The following CERS4 variants were observed in gnomAD, a reference collection of about 807,000 sequenced individuals.
CERS4 encodes LAG1 homolog, ceramide synthase 4.
In CERS4, 65 loss-of-function variants were observed where a neutral mutation model predicts 51.8. The ratio of observed to expected loss-of-function variants is 1.26; its 90% CI spans 1.03 to 1.54. CERS4 has a LOEUF of 1.54. Among genes scored for constraint, CERS4 ranks in the 40% most tolerant of loss-of-function variants. CERS4 has a pLI of 0.00. For synonymous variants in CERS4, 228 were observed against 208.4 expected, an observed-to-expected ratio of 1.09 and a Z score of -0.81; for missense variants, 563 against 500.4, an observed-to-expected ratio of 1.13 and a Z score of -1.19.
intron 2 of CERS4, among the ~76,000 whole-genome samples, chr19:8,232,463 T>C (rs1968054423): frequency 6.6e-6 from 1 of 151,952 alleles, no homozygotes; most frequent in Non-Finnish European, 1.5e-5. Flanking sequence ...GCAATTTTTT[T>C]GTATTTTTAG....
At chr19:8,238,021 A>G (rs1968349593) in intron 2 of CERS4, among the ~76,000 whole-genome samples, 2 of 152,118 alleles carry the variant, frequency 1.3e-5, no homozygotes, top group South Asian at 2.1e-4. Context: ...CTGTGCGAGT[A>G]ACAATCAGAT....
intron 2 of CERS4, among the ~76,000 whole-genome samples, chr19:8,249,231 G>T (rs148085961): frequency 6.6e-6 from 1 of 151,968 alleles, no homozygotes; most frequent in Non-Finnish European, 1.5e-5. Flanking sequence ...ATGGGTGGGT[G>T]GACAGATGTT....
intron 3 of CERS4, among the ~76,000 whole-genome samples, chr19:8,252,031 A>T (rs1450552181): frequency 2.6e-5 from 4 of 151,230 alleles, no homozygotes; most frequent in African/African-American, 9.7e-5. Flanking sequence ...GTTCGAGACC[A>T]GACTGCGCAA....
chr19:8,230,043 G>C (rs186954282), intron 2 of CERS4, among the ~76,000 whole-genome samples: 2 of 151,892 alleles, frequency 1.3e-5, no homozygotes, highest in African/African-American at 4.8e-5. Context: ...CTTCTTCTGT[G>C]TGTTTATGTG....
chr19:8,253,118 T>A (rs1969173463), intron 3 of CERS4, among the ~76,000 whole-genome samples: 1 of 152,188 alleles, frequency 6.6e-6, no homozygotes, highest in Non-Finnish European at 1.5e-5. Flanking sequence ...TGAGGCAGGA[T>A]GTTAGGAGGG....
intron 2 of CERS4, among the ~76,000 whole-genome samples, chr19:8,241,898 CAG>C (rs749414165): frequency 2.6e-4 from 40 of 152,120 alleles, no homozygotes; most frequent in Non-Finnish European, 5.1e-4. Flanking sequence ...CAGAGGATGA[CAG>C]GGAACAAACA....
In CERS4 at chr19:8,256,643, G is replaced by A. The variant is rs1232381494; in HGVS notation, c.545G>A (p.Trp182Ter). 1 of 1,613,750 alleles carries A rather than the reference G, an allele frequency of 6.2e-7. No homozygotes were observed. The change falls in exon 8 of 12, where the codon TGG (tryptophan) becomes TAG (stop). Residue 182 changes from tryptophan (W) to a stop codon, truncating the protein, a stop_gained. Coordinates refer to ENST00000251363, the MANE Select transcript of CERS4 (RefSeq NM_024552.3). LOFTEE classifies it high-confidence loss of function. ...ACTCTGAAGCCATCCCTGTACTGGT[G>A]GTACCTCTTGGAGCTGGGTTTCTAC... ...NQTLKPSLYWWYLLELGFYLS... is the reference protein window; with the variant it reads ...NQTLKPSLYW
intron 2 of CERS4, among the ~76,000 whole-genome samples, chr19:8,248,845 G>A (rs1002703624): frequency 3.6e-5 from 5 of 139,210 alleles, no homozygotes; most frequent in African/African-American, 1.6e-4. Flanking sequence ...TGGGTGGACA[G>A]ATCTTTGGAT....
chr19:8,257,001 TCTC>T lies in CERS4; in HGVS notation c.668_670del (p.Ser223del), dbSNP rs746171575. ...TTCGTGGCGGTCATCCTGATGACCT[TCTC>T]CTACAGTGCCAACCTGCTGCGCATT... On this transcript the variant is annotated inframe_deletion, in exon 9 of 12. Transcript: ENST00000251363. The T allele has an allele frequency of 1.9e-5, 31 of 1,613,932 alleles. No individual in the cohort carries two copies. The highest frequency in any genetic ancestry group is 2.5e-5 in the Non-Finnish European group (30 of 1,179,968).
chr19:8,231,619 G>A (rs1370231981), intron 2 of CERS4, among the ~76,000 whole-genome samples: 1 of 151,954 alleles, frequency 6.6e-6, no homozygotes, highest in Admixed American at 6.6e-5. Flanking sequence ...TGTGATCTCG[G>A]TTCACTGCAA....
At chr19:8,213,921 G>A (rs899169804) in intron 2 of CERS4, among the ~76,000 whole-genome samples, 2 of 151,564 alleles carry the variant, frequency 1.3e-5, no homozygotes, top group African/African-American at 4.9e-5. Flanking sequence ...AGCCAAGATC[G>A]CACTACTGCA....
intron 2 of CERS4, among the ~76,000 whole-genome samples, chr19:8,222,994 G>C (rs1967627364): frequency 6.6e-6 from 1 of 152,128 alleles, no homozygotes; most frequent in South Asian, 2.1e-4. Flanking sequence ...TGTGTGTCAG[G>C]TGCTGGGAAA....
chr19:8,232,218 T>G (rs1968042662), intron 2 of CERS4, among the ~76,000 whole-genome samples: 1 of 152,076 alleles, frequency 6.6e-6, no homozygotes, highest in African/African-American at 2.4e-5. Context: ...TTTCTTCCAT[T>G]TATAGATTCC....
chr19:8,221,870 A>ATTTTTT (rs1568501097), intron 2 of CERS4, among the ~76,000 whole-genome samples: 2 of 31,752 alleles, frequency 6.3e-5, no homozygotes, highest in Non-Finnish European at 1.5e-4. Context: ...TTATTTTTTT[A>ATTTTTT]TGTTTTTTTT....
intron 2 of CERS4, among the ~76,000 whole-genome samples, chr19:8,249,907 C>A (rs1251549267): frequency 6.6e-6 from 1 of 151,954 alleles, no homozygotes. Context: ...TTCTTTAAAT[C>A]CTTCATCTTT....
chr19:8,236,408 A>G (rs972679958), intron 2 of CERS4, among the ~76,000 whole-genome samples: 8 of 151,836 alleles, frequency 5.3e-5, no homozygotes, highest in Non-Finnish European at 1.2e-4. Context: ...ATTTCTGCTT[A>G]TGGCTGGGCG....
In CERS4 at chr19:8,257,990, G is replaced by A. The variant is rs1250136526; in HGVS notation, c.848+5G>A. On this transcript the variant is annotated splice_donor_5th_base_variant and intron_variant, in intron 10 of 11. Coordinates refer to ENST00000251363, the MANE Select transcript of CERS4 (RefSeq NM_024552.3). ...ACTGGTCCTCTTTCCCACCCAGTGA[G>A]TCAGCCCTCCCATGGGGGTCAGGGA... 1 of 1,610,242 alleles carries A rather than the reference G, an allele frequency of 6.2e-7. No homozygotes were observed. The highest frequency in any genetic ancestry group is 8.5e-7 in the Non-Finnish European group (1 of 1,176,852).
At chr19:8,245,933 TG>T (rs1210802963) in intron 2 of CERS4, among the ~76,000 whole-genome samples, 1 of 82,486 alleles carries the variant, frequency 1.2e-5, no homozygotes, top group African/African-American at 4.5e-5. Flanking sequence ...AAAAAGCTGG[TG>T]GGGGGCAGGG....
At chr19:8,250,734 C>G in intron 2 of CERS4, 2 of 838,742 alleles carry the variant, frequency 2.4e-6, no homozygotes, top group Non-Finnish European at 2.9e-6. Context: ...GGATTACAGG[C>G]GTGAGCAACT....
Sources: allele counts gnomAD v4.1 joint callset (sites outside exome capture counted in the v4.1 genomes callset), GRCh38; gene constraint gnomAD v4.1.1; transcripts MANE v1.5; gene names NCBI Gene and HGNC (gene_info 2026-07-23, HGNC 2026-07-21).